Variants in EXOC6B observed in about 807,000 individuals in gnomAD.
EXOC6B encodes exocyst complex component 6B.
In EXOC6B, 54 loss-of-function variants were observed where a neutral mutation model predicts 113.5. That is an observed-to-expected ratio of 0.48 (90% CI 0.38 to 0.60). EXOC6B has a LOEUF of 0.60. Among genes scored for constraint, EXOC6B ranks in the 20% least tolerant of loss-of-function variants. The pLI is 0.00. For synonymous variants in EXOC6B, 357 were observed against 339.0 expected, an observed-to-expected ratio of 1.05 and a Z score of -0.58; for missense variants, 797 against 977.5, an observed-to-expected ratio of 0.82 and a Z score of 2.46.
At chr2:72,651,918 G>A (rs543911903) in intron 6 of EXOC6B, among the ~76,000 whole-genome samples, 4 of 152,200 alleles carry the variant, frequency 2.6e-5, no homozygotes, top group African/African-American at 7.2e-5. Flanking sequence ...ACATCCATTC[G>A]ATTGAAAGAG....
At chr2:72,310,710 T>C (rs762828490) in intron 20 of EXOC6B, among the ~76,000 whole-genome samples, 6 of 152,160 alleles carry the variant, frequency 3.9e-5, no homozygotes, top group African/African-American at 7.2e-5. Flanking sequence ...TTACTTGCTT[T>C]TTTGATGTCA....
chr2:72,527,807 C>G (rs1340854651), intron 8 of EXOC6B, among the ~76,000 whole-genome samples: 1 of 151,918 alleles, frequency 6.6e-6, no homozygotes, highest in Non-Finnish European at 1.5e-5. Flanking sequence ...TGCTTATATG[C>G]TATCAGTATA....
At chr2:72,234,579 A>G (rs1267134549) in intron 20 of EXOC6B, among the ~76,000 whole-genome samples, 1 of 152,208 alleles carries the variant, frequency 6.6e-6, no homozygotes, top group Non-Finnish European at 1.5e-5. Context: ...AAATTAAACT[A>G]AAGAGCTTCT....
At chr2:72,701,373 G>T (rs1573648487) in intron 6 of EXOC6B, among the ~76,000 whole-genome samples, 1 of 147,080 alleles carries the variant, frequency 6.8e-6, no homozygotes, top group Admixed American at 6.8e-5. Flanking sequence ...GTACCTAAGA[G>T]AAAAAATTCC....
chr2:72,702,112 C>A (rs566669214), intron 6 of EXOC6B, among the ~76,000 whole-genome samples: 1 of 150,584 alleles, frequency 6.6e-6, no homozygotes, highest in South Asian at 2.1e-4. Flanking sequence ...TGATATTCCC[C>A]TTCCTGTGTC....
At chr2:72,639,616 T>C (rs1673089543) in intron 6 of EXOC6B, among the ~76,000 whole-genome samples, 1 of 152,166 alleles carries the variant, frequency 6.6e-6, no homozygotes, top group African/African-American at 2.4e-5. Flanking sequence ...TATCACAGTG[T>C]AGTGACCAGC....
intron 19 of EXOC6B, among the ~76,000 whole-genome samples, chr2:72,341,286 T>C (rs1438804316): frequency 1.3e-5 from 2 of 152,158 alleles, no homozygotes; most frequent in Admixed American, 1.3e-4. Flanking sequence ...AGATTTCATA[T>C]ATGTGTTCTT....
chr2:72,643,181 C>A (rs1331838179), intron 6 of EXOC6B, among the ~76,000 whole-genome samples: 1 of 151,976 alleles, frequency 6.6e-6, no homozygotes, highest in Non-Finnish European at 1.5e-5. Flanking sequence ...TAAACTAGTT[C>A]AACCATTGTG....
chr2:72,698,790 A>G (rs1678076927), intron 6 of EXOC6B, among the ~76,000 whole-genome samples: 1 of 152,174 alleles, frequency 6.6e-6, no homozygotes, highest in African/African-American at 2.4e-5. Context: ...TCTTGAACCT[A>G]TTTGTTAATA....
rs1303638824 is a variant in EXOC6B, at chr2:72,401,540, T to C, written c.1981-21670A>G. Among the ~76,000 whole-genome samples the C allele has an allele frequency of 2.1e-4, 5 of 23,906 alleles. 1 individual carries two copies. In the African/African-American group the frequency reaches 4.2e-3, roughly 20 times the overall value. The allele number at this position is 23,906 out of a possible 152,430, so 15.7% of individuals were successfully genotyped here. A position where few individuals can be genotyped will look rare whatever the true frequency, so the allele number is the denominator to read the frequency against. On this transcript the variant is annotated intron_variant, in intron 18 of 21. Transcript: ENST00000272427. The stretch of plus-strand genomic sequence containing the variant: ...ACATATATACATATATATATATATA[T>C]ATATGTGTATATATATATATATATA...
intron 18 of EXOC6B, among the ~76,000 whole-genome samples, chr2:72,410,612 A>G (rs1337452341): frequency 1.3e-5 from 2 of 152,246 alleles, no homozygotes; most frequent in Admixed American, 6.5e-5. Flanking sequence ...CTGAAAAATC[A>G]CACACCACAT....
At chr2:72,328,017 CA>C (rs5832080) in intron 20 of EXOC6B, among the ~76,000 whole-genome samples, 18,532 of 152,078 alleles carry the variant, frequency 0.12, 1,234 homozygotes, top group African/African-American at 0.19. Flanking sequence ...AGTTCTAGCT[CA>C]AATGGAGCCT....
chr2:72,689,458 T>A (rs897475933), intron 6 of EXOC6B, among the ~76,000 whole-genome samples: 1 of 152,202 alleles, frequency 6.6e-6, no homozygotes, highest in Non-Finnish European at 1.5e-5. Flanking sequence ...CTTTGTAATA[T>A]CTACTTTGTT....
chr2:72,576,147 G>C (rs1024915858), intron 6 of EXOC6B, among the ~76,000 whole-genome samples: 3 of 152,114 alleles, frequency 2.0e-5, no homozygotes, highest in African/African-American at 7.2e-5. Flanking sequence ...TTAGGCTTAA[G>C]AGACTGTTAA....
rs566348239 is a variant in EXOC6B at position 72,335,031 on chromosome 2, GAA to G, written c.2123-13_2123-12del. The G allele has an allele frequency of 8.1e-4, 1,307 of 1,613,002 alleles. 10 individuals carry two copies. In the African/African-American group the frequency reaches 0.016, roughly 19 times the overall value. On this transcript the variant is annotated splice_polypyrimidine_tract_variant and intron_variant, in intron 19 of 21. Transcript: ENST00000272427. Reference sequence around the variant, plus strand: ...CGGATCTGGCAAACTCTGTGGGAAAGAAAAGAGGATAAAAAGCGCCTTTAACT... The same window carrying G: ...CGGATCTGGCAAACTCTGTGGGAAAGAAGAGGATAAAAAGCGCCTTTAACT...
At chr2:72,624,909 A>G (rs1484631558) in intron 6 of EXOC6B, among the ~76,000 whole-genome samples, 2 of 152,216 alleles carry the variant, frequency 1.3e-5, no homozygotes, top group East Asian at 3.8e-4. Context: ...AAGGTCACAT[A>G]AATTTCAAGT....
intron 19 of EXOC6B, among the ~76,000 whole-genome samples, chr2:72,341,623 G>A (rs1689034963): frequency 6.6e-6 from 1 of 152,042 alleles, no homozygotes; most frequent in African/African-American, 2.4e-5. Context: ...GAGCAGAAAG[G>A]AGAAATACAG....
intron 6 of EXOC6B, among the ~76,000 whole-genome samples, chr2:72,666,806 CACACACACACACACACAA>C (rs1337240404): frequency 3.3e-5 from 5 of 150,844 alleles, no homozygotes; most frequent in Admixed American, 1.3e-4. Context: ...CACACACACA[CACACACACACACACACAA>C]AGAAATGCCT....
intron 20 of EXOC6B, among the ~76,000 whole-genome samples, chr2:72,215,519 A>T (rs753824347): frequency 7.2e-5 from 11 of 152,216 alleles, no homozygotes; most frequent in Non-Finnish European, 1.5e-4. Context: ...CTTCATAGGA[A>T]GTTGATTGCA....
Sources: allele counts gnomAD v4.1 joint callset (sites outside exome capture counted in the v4.1 genomes callset), GRCh38; gene constraint gnomAD v4.1.1; transcripts MANE v1.5; gene names NCBI Gene and HGNC (gene_info 2026-07-23, HGNC 2026-07-21).